The following LRRC63 variants were observed in gnomAD, a reference collection of about 807,000 sequenced individuals.
The protein encoded by LRRC63 is leucine-rich repeat-containing protein 63.
A neutral mutation model predicts 49.5 loss-of-function variants in LRRC63; 40 were observed. That is an observed-to-expected ratio of 0.81 (90% CI 0.63 to 1.05). The LOEUF is 1.05. Among genes scored for constraint, LRRC63 ranks in the 50% least tolerant of loss-of-function variants. LRRC63 has a pLI of 0.00. For synonymous variants in LRRC63, 191 were observed against 221.1 expected (o/e 0.86, Z 1.21); for missense variants, 636 against 663.1 (o/e 0.96, Z 0.45).
At chr13:46,254,423 G>C (rs1409332513) in intron 7 of LRRC63, among the ~76,000 whole-genome samples, 1 of 152,158 alleles carries the variant, frequency 6.6e-6, no homozygotes, top group Non-Finnish European at 1.5e-5. Context: ...AGGGGAAGAA[G>C]TCATCAGCTC....
At chr13:46,223,657 C>T (rs2046481185) in intron 2 of LRRC63, among the ~76,000 whole-genome samples, 1 of 151,898 alleles carries the variant, frequency 6.6e-6, no homozygotes, top group Admixed American at 6.6e-5. Context: ...AGTTCGAGAC[C>T]ACCTGGGCCA....
chr13:46,275,946 ATTC>A (rs1411770492), intron 9 of LRRC63, among the ~76,000 whole-genome samples: 15 of 152,126 alleles, frequency 9.9e-5, no homozygotes, highest in Non-Finnish European at 1.0e-4. Flanking sequence ...ACTTAAACAT[ATTC>A]TTATAATCTG....
At chr13:46,265,000 G>T (rs61949189) in intron 8 of LRRC63, among the ~76,000 whole-genome samples, 34,465 of 151,858 alleles carry the variant, frequency 0.23, 4,632 homozygotes, top group East Asian at 0.35. Context: ...CTACTAAAAA[G>T]ACGAAAATTA....
chr13:46,220,481 C>T (rs2046373690), intron 2 of LRRC63, among the ~76,000 whole-genome samples: 1 of 152,140 alleles, frequency 6.6e-6, no homozygotes, highest in Admixed American at 6.5e-5. Context: ...CCCAGGTCGA[C>T]TTCAGACTGC....
At chr13:46,262,278 T>G (rs1301378767) in intron 8 of LRRC63, among the ~76,000 whole-genome samples, 2 of 152,208 alleles carry the variant, frequency 1.3e-5, no homozygotes, top group Non-Finnish European at 2.9e-5. Context: ...ATGTTTCATT[T>G]ATTTTTTGTG....
In LRRC63 at chr13:46,234,349, G is replaced by A; in HGVS notation, c.990G>A (p.Lys330=). ...ATGGGAGAAATGCACTTAATCTGAAGGTATGCTAGATCTTTTTAATGACAG... is the reference window on the plus strand; with the variant it reads ...ATGGGAGAAATGCACTTAATCTGAAAGTATGCTAGATCTTTTTAATGACAG... The change falls in exon 5 of 10, where the codon AAG becomes AAA. Residue 330 remains lysine (K), a splice_region_variant and synonymous_variant. Coordinates refer to ENST00000595396, the Ensembl canonical transcript of LRRC63. The A allele has an allele frequency of 4.5e-6, 7 of 1,548,818 alleles. No homozygotes were observed. In the South Asian group the frequency reaches 8.3e-5, roughly 18 times the overall value.
chr13:46,264,714 C>G (rs1210549295), intron 8 of LRRC63, among the ~76,000 whole-genome samples: 1 of 149,434 alleles, frequency 6.7e-6, no homozygotes, highest in African/African-American at 2.5e-5. Flanking sequence ...CTCTTCTGGC[C>G]ACTCTTTCTT....
At chr13:46,248,971 A>C (rs2047297407) in intron 6 of LRRC63, among the ~76,000 whole-genome samples, 1 of 151,898 alleles carries the variant, frequency 6.6e-6, no homozygotes, top group Non-Finnish European at 1.5e-5. Flanking sequence ...TTAAATTATA[A>C]ACCAAAAACT....
At chr13:46,246,424 A>T in intron 5 of LRRC63, 103 bp from the exon 6 acceptor site, 1 of 508,854 alleles carries the variant, frequency 2.0e-6, no homozygotes, top group Non-Finnish European at 3.4e-6. Context: ...TATTGTGTAA[A>T]ACATTCTCAT....
intron 2 of LRRC63, among the ~76,000 whole-genome samples, chr13:46,223,575 G>T (rs1231414059): frequency 6.6e-6 from 1 of 151,424 alleles, no homozygotes; most frequent in Non-Finnish European, 1.5e-5. Context: ...CACTGTTAAG[G>T]CCAGGCACAG....
intron 7 of LRRC63, among the ~76,000 whole-genome samples, chr13:46,254,076 A>G (rs1005345402): frequency 3.3e-5 from 5 of 152,140 alleles, no homozygotes; most frequent in Admixed American, 2.0e-4. Flanking sequence ...AAGAAGTATG[A>G]CCAACAGTGT....
rs138706279 is a variant in LRRC63, at chr13:46,228,840, AAC to A, written c.832+113_832+114del. On this transcript the variant is annotated intron_variant, in intron 4 of 9. Transcript: ENST00000595396. ...TTATGTGTGTGATTCACACATGCAT[AAC>A]ACACATATGTCTTACCTCATTTTCA... 3,066 of 718,550 alleles carry A rather than the reference AAC, an allele frequency of 4.3e-3. 83 individuals carry two copies. In the African/African-American group the frequency reaches 0.047, roughly 11 times the overall value. The allele number at this position is 718,550 out of a possible 1,614,324, so 44.5% of individuals were successfully genotyped here. A position where few individuals can be genotyped will look rare whatever the true frequency, so the allele number is the denominator to read the frequency against.
intron 2 of LRRC63, among the ~76,000 whole-genome samples, chr13:46,222,643 G>C (rs978816295): frequency 6.6e-6 from 1 of 152,018 alleles, no homozygotes; most frequent in African/African-American, 2.4e-5. Flanking sequence ...CATTGTGGAA[G>C]TCAGTGTGGC....
intron 6 of LRRC63, among the ~76,000 whole-genome samples, chr13:46,248,277 T>TA (rs2047273468): frequency 6.6e-6 from 1 of 151,994 alleles, no homozygotes. Context: ...ATCATGTCAA[T>TA]AATAACATTA....
chr13:46,229,926 C>T (rs1399116217), intron 4 of LRRC63, among the ~76,000 whole-genome samples: 2 of 152,092 alleles, frequency 1.3e-5, no homozygotes, highest in African/African-American at 4.8e-5. Flanking sequence ...AAAGTGGGAG[C>T]TTGAACATCA....
chr13:46,236,094 C>T (rs902612922), intron 5 of LRRC63, among the ~76,000 whole-genome samples: 5 of 151,264 alleles, frequency 3.3e-5, no homozygotes, highest in Non-Finnish European at 5.9e-5. Context: ...ACTAGAAAAT[C>T]GGTCAATTGA....
chr13:46,251,359 C>A (rs1244152447), intron 7 of LRRC63, among the ~76,000 whole-genome samples: 1 of 151,738 alleles, frequency 6.6e-6, no homozygotes. Flanking sequence ...ATATACATAT[C>A]ACACATTACA....
exon 9 of LRRC63, chr13:46,266,908 G>A: frequency 1.3e-6 from 2 of 1,548,122 alleles, no homozygotes; most frequent in Non-Finnish European, 1.7e-6. Flanking sequence ...TTTGTTCATT[G>A]TCCAAAATAA....
chr13:46,275,505 T>G (rs1267435853), intron 9 of LRRC63, among the ~76,000 whole-genome samples: 2 of 152,178 alleles, frequency 1.3e-5, no homozygotes, highest in Non-Finnish European at 2.9e-5. Context: ...TTTTTTATAA[T>G]AGCCATTCTC....
Sources: allele counts gnomAD v4.1 joint callset (sites outside exome capture counted in the v4.1 genomes callset), GRCh38; gene constraint gnomAD v4.1.1; transcripts MANE v1.5; gene names NCBI Gene and HGNC (gene_info 2026-07-23, HGNC 2026-07-21).